The following EPHA4 variants were observed in gnomAD, a reference collection of about 807,000 sequenced individuals.
The protein encoded by EPHA4 is EPH receptor A4.
A neutral mutation model predicts 108.3 loss-of-function variants in EPHA4; 19 were observed. The observed-to-expected ratio is 0.18, with a 90% CI of 0.12 to 0.26. The LOEUF is 0.26. Ranked by LOEUF, EPHA4 falls within the 10% of genes least tolerant of loss-of-function variation. The pLI is 1.00. For synonymous variants in EPHA4, 449 were observed against 455.5 expected (o/e 0.99, Z 0.18); for missense variants, 917 against 1,254.0 (o/e 0.73, Z 4.06).
At chr2:221,513,526 AC>A (rs1249978792) in intron 3 of EPHA4, among the ~76,000 whole-genome samples, 6 of 152,158 alleles carry the variant, frequency 3.9e-5, no homozygotes, top group Admixed American at 3.9e-4. Context: ...CCTGAGAATC[AC>A]ACACACAAGA....
chr2:221,429,648 T>C (rs896774230), intron 15 of EPHA4, among the ~76,000 whole-genome samples: 2 of 152,332 alleles, frequency 1.3e-5, no homozygotes, highest in East Asian at 3.9e-4. Context: ...CTTCTAAAAG[T>C]ACATTTCACC....
At chr2:221,537,964 T>C (rs989627061) in intron 3 of EPHA4, among the ~76,000 whole-genome samples, 1 of 152,222 alleles carries the variant, frequency 6.6e-6, no homozygotes, top group African/African-American at 2.4e-5. Context: ...TTTTCAAGGA[T>C]TCATTTGCAT....
intron 4 of EPHA4, among the ~76,000 whole-genome samples, chr2:221,486,096 C>A (rs16862758): frequency 1.3e-5 from 2 of 152,110 alleles, no homozygotes; most frequent in Non-Finnish European, 2.9e-5. Context: ...TGTCCACCTG[C>A]GAGTAAGTCT....
chr2:221,507,439 T>A (rs139257862), intron 3 of EPHA4, among the ~76,000 whole-genome samples: 2 of 152,336 alleles, frequency 1.3e-5, no homozygotes, highest in African/African-American at 4.8e-5. Context: ...TTTGAATCAG[T>A]TCAAATTTCT....
chr2:221,443,067 A>G, intron 10 of EPHA4, 53 bp from the exon 11 acceptor site: 1 of 1,547,598 alleles, frequency 6.5e-7, no homozygotes, highest in Non-Finnish European at 8.8e-7. Context: ...TCAAGATGAA[A>G]GAATAACAGC....
chr2:221,425,097 TGA>T (rs1574551002), intron 17 of EPHA4, 110 bp downstream of exon 17: 1 of 150,082 alleles, frequency 6.7e-6, no homozygotes, highest in East Asian at 1.9e-4. Flanking sequence ...CAACACAACC[TGA>T]GAGACATGAG....
chr2:221,456,681 T>C lies in EPHA4; in HGVS notation c.1535A>G (p.His512Arg), dbSNP rs1250926714. 2 of 1,613,862 alleles carry C rather than the reference T, an allele frequency of 1.2e-6. No individual in the cohort carries two copies. Among genetic ancestry groups the C allele is most frequent in the Non-Finnish European group, 1.7e-6 (2 of 1,179,910 alleles). The change falls in exon 7 of 18, where the codon CAC becomes CGC. Residue 512 changes from histidine to arginine, a missense_variant. Physicochemically the swap from His to Arg is conservative, Grantham distance 29 (BLOSUM62 0). Around this residue, in one of 3 missense-constraint regions of EPHA4, gnomAD observed 758 missense variants for 1,076.7 expected, o/e 0.70. Transcript: ENST00000281821. Reference protein sequence around the residue: ...GLNPLTSYVFHVRARTAAGYG... With the variant: ...GLNPLTSYVFRVRARTAAGYG... ...GCCAGCTGCTGTCCTGGCTCGCACG[T>C]GGAAAACATAGGAAGTGAGAGGGTT...
At chr2:221,552,603 A>G (rs1694194833) in intron 3 of EPHA4, among the ~76,000 whole-genome samples, 1 of 152,232 alleles carries the variant, frequency 6.6e-6, no homozygotes, top group Non-Finnish European at 1.5e-5. Flanking sequence ...TGCTTCAGCC[A>G]TTGCCAGGCT....
intron 3 of EPHA4, among the ~76,000 whole-genome samples, chr2:221,562,128 A>G (rs77602069): frequency 0.013 from 2,020 of 152,314 alleles, 20 homozygotes; most frequent in Non-Finnish European, 0.02. Flanking sequence ...AGTCAAGAGC[A>G]AACCAAAAAT....
intron 3 of EPHA4, among the ~76,000 whole-genome samples, chr2:221,547,075 C>G (rs1037755838): frequency 6.6e-6 from 1 of 152,176 alleles, no homozygotes; most frequent in Non-Finnish European, 1.5e-5. Context: ...TGAGAAAGTA[C>G]TTGTGGATGC....
chr2:221,540,717 G>A (rs1367332082), intron 3 of EPHA4, among the ~76,000 whole-genome samples: 1 of 152,108 alleles, frequency 6.6e-6, no homozygotes, highest in Non-Finnish European at 1.5e-5. Flanking sequence ...TTTTATTAAG[G>A]ATTCCCTCTA....
intron 3 of EPHA4, among the ~76,000 whole-genome samples, chr2:221,512,361 T>C (rs1374416309): frequency 6.6e-6 from 1 of 152,240 alleles, no homozygotes; most frequent in Non-Finnish European, 1.5e-5. Context: ...TGAAAATATC[T>C]GAAAATACTT....
chr2:221,570,801 G>T (rs1030296954), intron 1 of EPHA4, among the ~76,000 whole-genome samples: 1 of 150,736 alleles, frequency 6.6e-6, no homozygotes, highest in Non-Finnish European at 1.5e-5. Context: ...GATGGATGGA[G>T]GGATGGATGG....
rs562610693 is a variant in EPHA4, at chr2:221,568,592, T to A, written c.159+126A>T. On this transcript the variant is annotated intron_variant, in intron 2 of 17. Transcript: ENST00000281821. ...TTTCTCCAACAAAGCGTAATTCACT[T>A]CATAGGCCACAGCGGAAATCTGACC... is the stretch of plus-strand genomic sequence containing the variant. The A allele has an allele frequency of 5.4e-5, 36 of 669,822 alleles. 1 individual carries two copies. In the South Asian group the frequency reaches 7.7e-4, roughly 14 times the overall value. 41.5% of individuals were successfully genotyped at this position (669,822 alleles called of 1,614,324 possible).
At chr2:221,488,539 A>G (rs924273276) in intron 4 of EPHA4, among the ~76,000 whole-genome samples, 1 of 152,230 alleles carries the variant, frequency 6.6e-6, no homozygotes, top group African/African-American at 2.4e-5. Context: ...ACTGGTGTGA[A>G]ATACTTTCTG....
chr2:221,440,726 A>C (rs1285176706), intron 11 of EPHA4, among the ~76,000 whole-genome samples: 1 of 152,152 alleles, frequency 6.6e-6, no homozygotes, highest in Non-Finnish European at 1.5e-5. Flanking sequence ...TATTGTGGTA[A>C]CCACTCTAAG....
At chr2:221,436,102 T>A (rs1056070281) in intron 13 of EPHA4, among the ~76,000 whole-genome samples, 1 of 152,100 alleles carries the variant, frequency 6.6e-6, no homozygotes, top group Non-Finnish European at 1.5e-5. Flanking sequence ...TAAGACACCG[T>A]CTTATTGTTC....
intron 3 of EPHA4, among the ~76,000 whole-genome samples, chr2:221,521,295 C>T (rs540027492): frequency 2.6e-5 from 4 of 152,260 alleles, no homozygotes; most frequent in African/African-American, 4.8e-5. Context: ...ACCAGTGCAA[C>T]GGGAGGATCT....
intron 5 of EPHA4, among the ~76,000 whole-genome samples, chr2:221,478,125 C>T (rs755457020): frequency 2.4e-4 from 36 of 152,026 alleles, no homozygotes; most frequent in Non-Finnish European, 3.4e-4. Context: ...TCCAGCCTCA[C>T]AGCTAGAAAA....
Sources: gnomAD v4.1 joint callset for allele counts (sites outside exome capture counted in the v4.1 genomes callset) on GRCh38, gnomAD v4.1.1 for gene constraint, gnomAD v4.1.1 regional missense constraint, MANE v1.5 for transcripts, NCBI Gene and HGNC (gene_info 2026-07-23, HGNC 2026-07-21) for gene names.